The following PTPN12 variants were observed in gnomAD, a reference collection of about 807,000 sequenced individuals.
PTPN12 encodes protein tyrosine phosphatase non-receptor type 12.
A neutral mutation model predicts 97.6 loss-of-function variants in PTPN12; 29 were observed. The ratio of observed to expected loss-of-function variants is 0.30; its 90% CI spans 0.22 to 0.41. The LOEUF (loss-of-function observed/expected upper bound fraction) is 0.41. Among genes scored for constraint, PTPN12 ranks in the 10% least tolerant of loss-of-function variants. The pLI, the probability that PTPN12 is intolerant of heterozygous loss-of-function variation, is 1.00. For missense variants in PTPN12, 819 were observed against 926.0 expected (o/e 0.88, Z 1.50); for synonymous variants, 327 against 300.4 (o/e 1.09, Z -0.91).
At chr7:77,605,409 G>GGTTTTTTTTTT (rs1554321255) in intron 8 of PTPN12, among the ~76,000 whole-genome samples, 2,483 of 95,468 alleles carry the variant, frequency 0.026, 559 homozygotes, top group Non-Finnish European at 0.029. Flanking sequence ...TTTGTCATGA[G>GGTTTTTTTTTT]TTTTTTTTTT....
chr7:77,543,450 A>G (rs1278106001), intron 1 of PTPN12, among the ~76,000 whole-genome samples: 1 of 151,246 alleles, frequency 6.6e-6, no homozygotes, highest in African/African-American at 2.4e-5. Context: ...TGCAGTCTTG[A>G]TAAATATAAA....
At chr7:77,577,204 A>G (rs535210989) in intron 2 of PTPN12, among the ~76,000 whole-genome samples, 2 of 152,154 alleles carry the variant, frequency 1.3e-5, no homozygotes, top group Admixed American at 6.5e-5. Context: ...TCTTCAGTAC[A>G]TGTATTATTT....
At chr7:77,555,921 A>C (rs949284571) in intron 1 of PTPN12, among the ~76,000 whole-genome samples, 1 of 152,194 alleles carries the variant, frequency 6.6e-6, no homozygotes, top group Non-Finnish European at 1.5e-5. Flanking sequence ...TCTCAAAAAA[A>C]AAAAATCTCT....
At chr7:77,576,044 C>A (rs1439314906) in intron 2 of PTPN12, among the ~76,000 whole-genome samples, 1 of 152,010 alleles carries the variant, frequency 6.6e-6, no homozygotes, top group Non-Finnish European at 1.5e-5. Context: ...TTAGTAGATA[C>A]AGGGTTTCAC....
chr7:77,558,066 C>T (rs1270328748), intron 1 of PTPN12, among the ~76,000 whole-genome samples: 1 of 151,708 alleles, frequency 6.6e-6, no homozygotes, highest in Non-Finnish European at 1.5e-5. Flanking sequence ...GAAAAATTAG[C>T]TGGGCCTGGT....
intron 1 of PTPN12, among the ~76,000 whole-genome samples, chr7:77,570,754 C>G (rs1787099378): frequency 6.6e-6 from 1 of 152,160 alleles, no homozygotes; most frequent in African/African-American, 2.4e-5. Flanking sequence ...GTTATTGTGA[C>G]CCTTAGTTAA....
chr7:77,619,246 A>G (rs1349135971), intron 12 of PTPN12, among the ~76,000 whole-genome samples: 1 of 152,232 alleles, frequency 6.6e-6, no homozygotes, highest in African/African-American at 2.4e-5. Flanking sequence ...TTTCTTGCAC[A>G]TAGATCTGCC....
At chr7:77,542,077 G>C (rs1047354065) in intron 1 of PTPN12, among the ~76,000 whole-genome samples, 1 of 152,158 alleles carries the variant, frequency 6.6e-6, no homozygotes, top group Admixed American at 6.5e-5. Flanking sequence ...CATACTTTGA[G>C]AACCAGTGAG....
At chr7:77,581,565 T>C (rs1787517058) in intron 3 of PTPN12, 62 bp downstream of exon 3, 1 of 1,066,292 alleles carries the variant, frequency 9.4e-7, no homozygotes, top group African/African-American at 1.7e-5. Flanking sequence ...ATACTAGTTT[T>C]GTAAAAACTT....
chr7:77,622,930 T>C (rs1788993869), intron 12 of PTPN12, among the ~76,000 whole-genome samples: 1 of 143,240 alleles, frequency 7.0e-6, no homozygotes, highest in Admixed American at 7.1e-5. Context: ...AGAGAAAAGA[T>C]AAGGAAATTA....
chr7:77,573,160 T>C lies in PTPN12; in HGVS notation c.208+1974T>C, dbSNP rs562117140. On this transcript the variant is annotated intron_variant, in intron 2 of 17. Coordinates refer to ENST00000248594, the MANE Select transcript of PTPN12 (RefSeq NM_002835.4). ...AACCAATCATTAAGCTTTTGCAAAA[T>C]AACCAGTATACCTAGCACATAGTAA... is the stretch of plus-strand genomic sequence containing the variant. Among the ~76,000 whole-genome samples the C allele has an allele frequency of 1.2e-3, 160 of 136,910 alleles. 1 individual carries two copies. Among genetic ancestry groups the C allele is most frequent in the Non-Finnish European group, 1.9e-3 (122 of 64,632 alleles). The allele number at this position is 136,910 out of a possible 152,430, so 89.8% of individuals were successfully genotyped here.
At chr7:77,637,990 C>CTCTG (rs1789666461) in intron 16 of PTPN12, among the ~76,000 whole-genome samples, 1 of 93,250 alleles carries the variant, frequency 1.1e-5, no homozygotes, top group African/African-American at 4.2e-5. Context: ...AGAGGTCTTG[C>CTCTG]TCTGTCGCCC....
chr7:77,627,810 A>T (rs982168005), intron 13 of PTPN12, 135 bp downstream of exon 13: 2 of 842,286 alleles, frequency 2.4e-6, no homozygotes, highest in Non-Finnish European at 1.7e-6. Context: ...TGTCTTAGAT[A>T]CTAATTTTTT....
chr7:77,542,653 T>C (rs1248846185), intron 1 of PTPN12, among the ~76,000 whole-genome samples: 1 of 152,128 alleles, frequency 6.6e-6, no homozygotes, highest in Non-Finnish European at 1.5e-5. Flanking sequence ...ACTCGCAAAA[T>C]ATCTAGCTTG....
intron 1 of PTPN12, chr7:77,563,891 AT>A: frequency 2.4e-6 from 1 of 422,882 alleles, no homozygotes; most frequent in Non-Finnish European, 4.7e-6. Context: ...TTAGCTGCTT[AT>A]AACCATTATC....
chr7:77,565,590 C>T (rs1461621763), intron 1 of PTPN12, among the ~76,000 whole-genome samples: 7 of 152,202 alleles, frequency 4.6e-5, no homozygotes, highest in Non-Finnish European at 8.8e-5. Flanking sequence ...TTTAAACATT[C>T]TCAGGAGCTT....
At chr7:77,579,373 C>T (rs1394308855) in intron 2 of PTPN12, among the ~76,000 whole-genome samples, 1 of 152,156 alleles carries the variant, frequency 6.6e-6, no homozygotes, top group Non-Finnish European at 1.5e-5. Flanking sequence ...GATCCGCCCA[C>T]CTTGGCCTCC....
chr7:77,554,073 C>T (rs895966470), intron 1 of PTPN12, among the ~76,000 whole-genome samples: 42 of 152,280 alleles, frequency 2.8e-4, no homozygotes, highest in African/African-American at 8.4e-4. Context: ...TCACGTGATC[C>T]TCCTGCCTCA....
intron 1 of PTPN12, chr7:77,538,140 G>C: frequency 1.0e-6 from 1 of 984,528 alleles, no homozygotes; most frequent in Non-Finnish European, 1.2e-6. Context: ...CTTTGCTCTA[G>C]CTGGTCTCAA....
Sources: gnomAD v4.1 joint callset for allele counts (sites outside exome capture counted in the v4.1 genomes callset) on GRCh38, gnomAD v4.1.1 for gene constraint, MANE v1.5 for transcripts, NCBI Gene and HGNC (gene_info 2026-07-23, HGNC 2026-07-21) for gene names.